ACACA: variants seen among roughly 807,000 people sequenced by gnomAD.
ACACA encodes the protein acetyl-CoA carboxylase alpha.
A neutral mutation model predicts 296.1 loss-of-function variants in ACACA; 103 were observed. That is an observed-to-expected ratio of 0.35 (90% CI 0.30 to 0.41). ACACA has a LOEUF of 0.41. Ranked by LOEUF, ACACA falls within the 10% of genes least tolerant of loss-of-function variation. ACACA has a pLI of 1.00. For synonymous variants in ACACA, 953 were observed against 1,038.6 expected (o/e 0.92, Z 1.58); for missense variants, 1,554 against 2,989.7 (o/e 0.52, Z 11.20).
chr17:37,300,807 T>C (rs1219151520), intron 3 of ACACA, among the ~76,000 whole-genome samples: 2 of 152,228 alleles, frequency 1.3e-5, no homozygotes, highest in African/African-American at 4.8e-5. Context: ...TGGTCTGTAC[T>C]TCACATCATC....
chr17:37,109,752 A>C (rs575897458), intron 52 of ACACA, among the ~76,000 whole-genome samples: 2 of 152,340 alleles, frequency 1.3e-5, no homozygotes, highest in East Asian at 3.9e-4. Flanking sequence ...AAGAGAAAGA[A>C]GCTTTATCTC....
At chr17:37,200,563 G>A (rs2078203338) in intron 33 of ACACA, 80 bp from the exon 34 acceptor site, 1 of 1,325,418 alleles carries the variant, frequency 7.5e-7, no homozygotes, top group Non-Finnish European at 1.1e-6. Flanking sequence ...GCCCTTGTAA[G>A]GCTTTGGTGG....
intron 2 of ACACA, among the ~76,000 whole-genome samples, chr17:37,336,028 C>T (rs898537359): frequency 3.3e-5 from 5 of 152,108 alleles, no homozygotes; most frequent in African/African-American, 1.2e-4. Flanking sequence ...CTTCTTAGGA[C>T]CTCTAGCAGC....
chr17:37,252,140 G>A (rs1307817034), intron 15 of ACACA, 32 bp from the exon 16 acceptor site: 6 of 1,559,678 alleles, frequency 3.8e-6, no homozygotes, highest in Non-Finnish European at 5.3e-6. Flanking sequence ...CAGATCAAAT[G>A]CATGGTCACT....
At chr17:37,117,105 G>A (rs2074294287) in intron 50 of ACACA, among the ~76,000 whole-genome samples, 2 of 152,206 alleles carry the variant, frequency 1.3e-5, no homozygotes, top group Admixed American at 6.5e-5. Flanking sequence ...TATAAACATG[G>A]ATAAACCGTG....
At chr17:37,099,492 C>T (rs111239385) in intron 52 of ACACA, among the ~76,000 whole-genome samples, 5 of 147,680 alleles carry the variant, frequency 3.4e-5, no homozygotes, top group African/African-American at 9.9e-5. Flanking sequence ...GGGAGGAGGG[C>T]TGATGGGAGG....
At chr17:37,169,948 C>T (rs1339741866) in intron 41 of ACACA, among the ~76,000 whole-genome samples, 3 of 152,138 alleles carry the variant, frequency 2.0e-5, no homozygotes, top group Non-Finnish European at 4.4e-5. Context: ...GTTTTAGACT[C>T]AAACGGGCAG....
chr17:37,125,575 C>T, intron 48 of ACACA, 123 bp downstream of exon 48: 1 of 994,496 alleles, frequency 1.0e-6, no homozygotes, highest in Middle Eastern at 2.8e-4. Context: ...TGGCTATAAT[C>T]CAATATTCTC....
intron 45 of ACACA, among the ~76,000 whole-genome samples, chr17:37,148,053 A>G (rs2075885712): frequency 6.6e-6 from 1 of 152,146 alleles, no homozygotes; most frequent in Middle Eastern, 3.4e-3. Context: ...TTCAGAAATT[A>G]GCTCTCTGAC....
chr17:37,334,262 G>C (rs2048011583), intron 2 of ACACA, among the ~76,000 whole-genome samples: 1 of 152,016 alleles, frequency 6.6e-6, no homozygotes, highest in Admixed American at 6.6e-5. Context: ...CCTAACCAAT[G>C]AACTTGGGCT....
intron 3 of ACACA, among the ~76,000 whole-genome samples, chr17:37,312,066 C>A (rs1480735105): frequency 6.6e-6 from 1 of 151,836 alleles, no homozygotes; most frequent in African/African-American, 2.4e-5. Context: ...GCCTGGACAA[C>A]ACAGCAAGAC....
At chr17:37,181,144 A>G in intron 40 of ACACA, 57 bp downstream of exon 40, 1 of 1,600,088 alleles carries the variant, frequency 6.2e-7, no homozygotes, top group Non-Finnish European at 8.6e-7. Context: ...TCTGATGGAA[A>G]TTCAGGGAAA....
chr17:37,297,787 G>C (rs993404198), intron 3 of ACACA, among the ~76,000 whole-genome samples: 1 of 151,912 alleles, frequency 6.6e-6, no homozygotes, highest in Admixed American at 6.6e-5. Flanking sequence ...GTGACCTCAG[G>C]TGATCCACCC....
At chr17:37,098,028 G>T in intron 52 of ACACA, 44 bp from the exon 53 acceptor site, 2 of 1,613,246 alleles carry the variant, frequency 1.2e-6, no homozygotes, top group Non-Finnish European at 1.7e-6. Context: ...TAATGACCAG[G>T]AATCTCTCTG....
chr17:37,339,877 G>GT (rs745594775), intron 1 of ACACA, 27 bp from the exon 2 acceptor site: 69,654 of 822,286 alleles, frequency 0.085, 51 homozygotes, highest in South Asian at 0.11. Context: ...AGATTTTAAG[G>GT]TTTTTTTTTT....
intron 25 of ACACA, among the ~76,000 whole-genome samples, chr17:37,231,261 T>G (rs553711215): frequency 1.1e-4 from 16 of 151,032 alleles, no homozygotes; most frequent in African/African-American, 2.7e-4. Flanking sequence ...CACAGTTGAC[T>G]GACAGAAGAA....
intron 24 of ACACA, 114 bp downstream of exon 24, chr17:37,240,362 G>T (rs1270992416): frequency 1.2e-6 from 1 of 823,058 alleles, no homozygotes; most frequent in Non-Finnish European, 2.0e-6. Context: ...TTATTAATGG[G>T]AAGTGTTGTT....
rs564394595 is a variant in ACACA at position 37,338,422 on chromosome 17, C to T, written c.85+1382G>A. Among the ~76,000 whole-genome samples, 77 of 151,862 alleles carry T rather than the reference C, an allele frequency of 5.1e-4. No homozygotes were observed. The Middle Eastern group carries it at 0.014, about 27-fold the overall frequency. ...CTGTAATCCCAGCACTTTGGGAGGC[C>T]GAGGCAGGTAGATCACCTGAGGTCA... On this transcript the variant is annotated intron_variant, in intron 2 of 55. Coordinates refer to ENST00000616317, the MANE Select transcript of ACACA (RefSeq NM_198834.3).
At chr17:37,369,105 CA>C (rs1368045641) in intron 1 of ACACA, among the ~76,000 whole-genome samples, 5 of 152,180 alleles carry the variant, frequency 3.3e-5, no homozygotes, top group African/African-American at 1.2e-4. Context: ...TATTATAAAG[CA>C]ATGAGAATGA....
Sources: allele counts gnomAD v4.1 joint callset (sites outside exome capture counted in the v4.1 genomes callset), GRCh38; gene constraint gnomAD v4.1.1; transcripts MANE v1.5; gene names NCBI Gene and HGNC (gene_info 2026-07-23, HGNC 2026-07-21).